Variants in NGFR observed in about 807,000 individuals in gnomAD.
The protein encoded by NGFR is nerve growth factor receptor.
In NGFR, 30 loss-of-function variants were observed where a neutral mutation model predicts 43.2. That is an observed-to-expected ratio of 0.69 (90% CI 0.52 to 0.94). The LOEUF (loss-of-function observed/expected upper bound fraction) is 0.94. NGFR is among the 40% of genes least tolerant of loss of function. The pLI is 0.00. For synonymous variants in NGFR, 246 were observed against 259.6 expected, an observed-to-expected ratio of 0.95 and a Z score of 0.50; for missense variants, 529 against 602.5, an observed-to-expected ratio of 0.88 and a Z score of 1.28.
Position 49,502,095 on chromosome 17 carries a change from C to A in NGFR, c.99C>A (p.Pro33=). Residue 33 remains proline (P), a synonymous_variant, in exon 2 of 6, where the codon CCC becomes CCA. Coordinates refer to ENST00000172229, the MANE Select transcript of NGFR (RefSeq NM_002507.4). Reference sequence around the variant, plus strand: ...TTGGAGGTGCCAAGGAGGCATGCCCCACAGGCCTGTACACACACAGCGGTG... The same window carrying A: ...TTGGAGGTGCCAAGGAGGCATGCCCAACAGGCCTGTACACACACAGCGGTG... ...VSLGGAKEAC[P]TGLYTHSGEC... is the part of the protein sequence containing the mutation. The A allele has an allele frequency of 6.2e-7, 1 of 1,604,894 alleles. No homozygotes were observed. Among genetic ancestry groups the A allele is most frequent in the South Asian group, 1.1e-5 (1 of 90,256 alleles).
In NGFR at chr17:49,512,642, C is replaced by T; in HGVS notation, c.983-66C>T. 6.6e-7 allele frequency: 1 copy of T among 1,514,136 alleles called. No individual in the cohort carries two copies. The highest frequency in any genetic ancestry group is 8.9e-7 in the Non-Finnish European group (1 of 1,127,126). The allele number at this position is 1,514,136 out of a possible 1,614,324, so 93.8% of individuals were successfully genotyped here. A position where few individuals can be genotyped will look rare whatever the true frequency, so the allele number is the denominator to read the frequency against. On this transcript the variant is annotated intron_variant, in intron 5 of 5. Transcript: ENST00000172229. The surrounding 1 kb of genome is among the most constrained non-coding windows in gnomAD (Gnocchi z 5.2). ...GCCTCGGCCCTTCTTGGGTCTCACCCCAGTGCCCACTGTTGGGGAAAGGAG... is the reference window on the plus strand; with the variant it reads ...GCCTCGGCCCTTCTTGGGTCTCACCTCAGTGCCCACTGTTGGGGAAAGGAG...
chr17:49,506,154 C>A, intron 2 of NGFR, 145 bp from the exon 3 acceptor site: 1 of 1,423,972 alleles, frequency 7.0e-7, no homozygotes, highest in South Asian at 1.6e-5. Context: ...GGGTCAGGGT[C>A]CCTTGGAAGA....
Position 49,495,437 on chromosome 17 carries a change from G to A in NGFR, c.20G>A (p.Gly7Asp), listed in dbSNP as rs1316875492. The A allele has an allele frequency of 4.0e-6, 5 of 1,235,828 alleles. No individual in the cohort carries two copies. The highest frequency in any genetic ancestry group is 5.1e-6 in the Non-Finnish European group (5 of 988,840). 76.6% of individuals were successfully genotyped at this position (1,235,828 alleles called of 1,614,324 possible). A position where few individuals can be genotyped will look rare whatever the true frequency, so the allele number is the denominator to read the frequency against. Reference protein sequence around the residue: MGAGATGRAMDGPRLLL... With the variant: MGAGATDRAMDGPRLLL... ...CGGGCGATGGGGGCAGGTGCCACCG[G>A]CCGCGCCATGGACGGGCCGCGCCTG... The change falls in exon 1 of 6, where the codon GGC (glycine) becomes GAC (aspartate). Residue 7 changes from glycine (G) to aspartate (D), a missense_variant. Gly to Asp is a moderately conservative substitution (Grantham distance 94). Coordinates refer to ENST00000172229, the MANE Select transcript of NGFR (RefSeq NM_002507.4). This position sits in a 1 kb window ranked among gnomAD's most constrained non-coding sequence, Gnocchi z 6.4.
Position 49,513,022 on chromosome 17 carries a change from AGCCCCCGCC to A in NGFR, c.*14_*22del, listed in dbSNP as rs2071245146. ...ATCCCCGGTGTGAGCCCAACCGGGG[AGCCCCCGCC>A]CCGCCCCACATTCCGACAACCGATG... On this transcript the variant is annotated 3_prime_UTR_variant, in exon 6 of 6. Coordinates refer to ENST00000172229, the MANE Select transcript of NGFR (RefSeq NM_002507.4). The A allele has an allele frequency of 1.3e-6, 2 of 1,512,174 alleles. No homozygotes were observed. The highest frequency in any genetic ancestry group is 2.8e-5 in the African/African-American group (2 of 72,640). The allele number at this position is 1,512,174 out of a possible 1,614,324, so 93.7% of individuals were successfully genotyped here. A position where few individuals can be genotyped will look rare whatever the true frequency, so the allele number is the denominator to read the frequency against.
intron 3 of NGFR, among the ~76,000 whole-genome samples, chr17:49,509,595 C>A (rs990952582): frequency 6.6e-6 from 1 of 152,228 alleles, no homozygotes; most frequent in African/African-American, 2.4e-5. Context: ...CTCCCCCCGC[C>A]AGCTGAGGCA....
chr17:49,512,946 C>T lies in NGFR; in HGVS notation c.1221C>T (p.Arg407=). The T allele has an allele frequency of 6.2e-7, 1 of 1,610,294 alleles. No individual in the cohort carries two copies. Among genetic ancestry groups the T allele is most frequent in the South Asian group, 1.1e-5 (1 of 90,864 alleles). The change falls in exon 6 of 6, where the codon CGC becomes CGT. Residue 407 remains arginine, a synonymous_variant. Coordinates refer to ENST00000172229, the MANE Select transcript of NGFR (RefSeq NM_002507.4). The surrounding 1 kb of genome is among the most constrained non-coding windows in gnomAD (Gnocchi z 5.2). The part of the protein sequence containing the change: ...TLDALLAALR[R]IQRADLVESL... ...ACGCCCTCCTGGCCGCCCTGCGCCG[C>T]ATCCAGCGAGCCGACCTCGTGGAGA... is the stretch of plus-strand genomic sequence containing the variant.
intron 2 of NGFR, among the ~76,000 whole-genome samples, chr17:49,502,498 G>A (rs2071172733): frequency 6.6e-6 from 1 of 152,166 alleles, no homozygotes; most frequent in South Asian, 2.1e-4. Context: ...GTGTGGCTGG[G>A]CAGGGAGGAG....
intron 1 of NGFR, 64 bp from the exon 2 acceptor site, chr17:49,501,999 A>AGCCCCCCCCCCCCCCC: frequency 6.0e-6 from 2 of 330,984 alleles, no homozygotes; most frequent in Non-Finnish European, 5.9e-6. Flanking sequence ...TCCCCGGAAG[A>AGCCCCCCCCCCCCCCC]ACCCCCCCCA....
chr17:49,502,018 C>CCCCCCCAAAAA, intron 1 of NGFR, 45 bp from the exon 2 acceptor site: 3 of 1,320,342 alleles, frequency 2.3e-6, no homozygotes, highest in Non-Finnish European at 2.0e-6. Context: ...CAACCCACCC[C>CCCCCCCAAAAA]AGCTTTCTCT....
rs2071238317 is a variant in NGFR, at chr17:49,512,240, GA to G, written c.982+191del. 6.6e-6 allele frequency among the ~76,000 whole-genome samples: 1 copy of G among 152,208 alleles called. No individual in the cohort carries two copies. Among genetic ancestry groups the G allele is most frequent in the Admixed American group, 6.5e-5 (1 of 15,276 alleles). ...GGTCCTCTCTAGAGGAACGACTTGG[GA>G]AATGGAGGCTTTTACAAGTTGGAGC... On this transcript the variant is annotated intron_variant, in intron 5 of 5. Coordinates refer to ENST00000172229, the MANE Select transcript of NGFR (RefSeq NM_002507.4). The surrounding 1 kb of genome is among the most constrained non-coding windows in gnomAD (Gnocchi z 5.2).
rs376638383 is a variant in NGFR at position 49,506,405 on chromosome 17, C to T, written c.315C>T (p.Ala105=). The change falls in exon 3 of 6, where the codon GCC becomes GCT. Residue 105 remains alanine (A), a synonymous_variant. Coordinates refer to ENST00000172229, the MANE Select transcript of NGFR (RefSeq NM_002507.4). ...MSAPCVEADD[A]VCRCAYGYYQ... ...CGCCGTGCGTGGAGGCCGACGACGC[C>T]GTGTGCCGCTGCGCCTACGGCTACT... is the stretch of plus-strand genomic sequence containing the variant. 3.1e-6 allele frequency: 5 copies of T among 1,603,954 alleles called. No individual in the cohort carries two copies. Among genetic ancestry groups the T allele is most frequent in the Middle Eastern group, 3.3e-4 (2 of 6,052 alleles).
In NGFR at chr17:49,506,668, G is replaced by T; in HGVS notation, c.568+10G>T. The T allele has an allele frequency of 7.2e-7, 1 of 1,389,448 alleles. No individual in the cohort carries two copies. Among genetic ancestry groups the T allele is most frequent in the Admixed American group, 2.8e-5 (1 of 35,926 alleles). The allele number at this position is 1,389,448 out of a possible 1,614,324, so 86.1% of individuals were successfully genotyped here. A position where few individuals can be genotyped will look rare whatever the true frequency, so the allele number is the denominator to read the frequency against. On this transcript the variant is annotated intron_variant, in intron 3 of 5. Coordinates refer to ENST00000172229, the MANE Select transcript of NGFR (RefSeq NM_002507.4). ...GACGCCGAGTGCGAGGGTGAGTGCG[G>T]TTCGGGGGGCGGGGGGAGTGGGGGT...
rs551760505 is a variant in NGFR at position 49,505,318 on chromosome 17, C to T, written c.209-981C>T. On this transcript the variant is annotated intron_variant, in intron 2 of 5. Transcript: ENST00000172229. ...CTCAGGTTCCTAAATCTATGCTCTT[C>T]CTGTCCTTGGAGCAAGGATAGGTCC... 5.3e-4 allele frequency among the ~76,000 whole-genome samples: 81 copies of T among 152,286 alleles called. 1 individual carries two copies. The Middle Eastern group carries it at 0.017, about 32-fold the overall frequency.
At chr17:49,504,656 G>A (rs1342340365) in intron 2 of NGFR, among the ~76,000 whole-genome samples, 1 of 152,048 alleles carries the variant, frequency 6.6e-6, no homozygotes, top group Non-Finnish European at 1.5e-5. Flanking sequence ...CCTGCTCCTA[G>A]GAAAAGGGAC....
intron 2 of NGFR, among the ~76,000 whole-genome samples, chr17:49,502,815 T>TCTCCCTTC (rs2071174568): frequency 1.6e-5 from 2 of 121,504 alleles, no homozygotes; most frequent in South Asian, 3.3e-4. Flanking sequence ...GCCTGGGATT[T>TCTCCCTTC]CTTCCTTCCT....
In NGFR at chr17:49,502,183, G is replaced by T. The variant is rs372917452; in HGVS notation, c.187G>T (p.Val63Leu). 2 of 1,609,210 alleles carry T rather than the reference G, an allele frequency of 1.2e-6. No individual in the cohort carries two copies. Among genetic ancestry groups the T allele is most frequent in the Non-Finnish European group, 1.7e-6 (2 of 1,177,578 alleles). Residue 63 changes from valine to leucine, a missense_variant, in exon 2 of 6, where the codon GTG becomes TTG. By Grantham distance (32) the Val-to-Leu change is conservative. Coordinates refer to ENST00000172229, the MANE Select transcript of NGFR (RefSeq NM_002507.4). ...VAQPCGANQT[V>L]CEPCLDSVTF... ...CCAGCCTTGTGGAGCCAACCAGACCGTGTGTGAGCCCTGCCTGGACAGTGA... is the reference window on the plus strand; with the variant it reads ...CCAGCCTTGTGGAGCCAACCAGACCTTGTGTGAGCCCTGCCTGGACAGTGA...
At chr17:49,502,310 G>C in intron 2 of NGFR, 106 bp downstream of exon 2, 1 of 1,259,162 alleles carries the variant, frequency 7.9e-7, no homozygotes, top group Non-Finnish European at 1.1e-6. Context: ...GGCCTTATAA[G>C]ACCACCACTG....
chr17:49,499,509 A>G (rs1028134571), intron 1 of NGFR, among the ~76,000 whole-genome samples: 1 of 152,210 alleles, frequency 6.6e-6, no homozygotes, highest in African/African-American at 2.4e-5. Context: ...GAGCTCACAG[A>G]TTGTATTCAG....
At position 49,513,159 on chromosome 17, in the gene NGFR, A is replaced by C; in HGVS notation, c.*150A>C. 11 of 778,974 alleles carry C rather than the reference A, an allele frequency of 1.4e-5. No individual in the cohort carries two copies. Among genetic ancestry groups the C allele is most frequent in the Non-Finnish European group, 2.2e-5 (11 of 507,462 alleles). The allele number at this position is 778,974 out of a possible 1,614,324, so 48.3% of individuals were successfully genotyped here. ...AGGACCTCAGAGTCCAGGCCCCAAA[A>C]CCACAGCCCTGTCAGTGCAGCCCGT... On this transcript the variant is annotated 3_prime_UTR_variant, in exon 6 of 6. Transcript: ENST00000172229.
Sources: allele counts gnomAD v4.1 joint callset (sites outside exome capture counted in the v4.1 genomes callset), GRCh38; gene constraint gnomAD v4.1.1; non-coding constraint Gnocchi (gnomAD v3.1); transcripts MANE v1.5; gene names NCBI Gene and HGNC (gene_info 2026-07-23, HGNC 2026-07-21).